Variants in DNAH5 observed in about 807,000 individuals in gnomAD.
DNAH5 encodes the protein axonemal beta dynein heavy chain 5.
Under a neutral mutation model 518.2 loss-of-function variants are expected in DNAH5, and 372 were observed. The observed-to-expected ratio is 0.72, with a 90% CI of 0.66 to 0.78. The LOEUF is 0.78. Among genes scored for constraint, DNAH5 ranks in the 30% least tolerant of loss-of-function variants. The probability of loss-of-function intolerance (pLI) is 0.00; values close to 1 mark genes in which losing one functional copy is unlikely to be tolerated. For missense variants in DNAH5, 5,523 were observed against 5,687.0 expected, an observed-to-expected ratio of 0.97 and a Z score of 0.93; for synonymous variants, 2,039 against 2,025.9, an observed-to-expected ratio of 1.01 and a Z score of -0.17.
intron 21 of DNAH5, among the ~76,000 whole-genome samples, chr5:13,880,162 T>C (rs191582498): frequency 1.3e-3 from 202 of 152,278 alleles, no homozygotes; most frequent in Middle Eastern, 3.4e-3. Flanking sequence ...TTCAAAATAC[T>C]GAAAGAAAAT....
rs1171456052 is a variant in DNAH5 at position 13,870,818 on chromosome 5, T to C, written c.3783A>G (p.Lys1261=). Residue 1261 remains lysine, a synonymous_variant, in exon 24 of 79, where the codon AAA becomes AAG. Coordinates refer to ENST00000265104, the MANE Select transcript of DNAH5 (RefSeq NM_001369.3). ...TGGAGATTTGCTCCTCCCTTATTTCTTTCAGCGCTGCCATTGCAATCCGAA... is the reference window on the plus strand; with the variant it reads ...TGGAGATTTGCTCCTCCCTTATTTCCTTCAGCGCTGCCATTGCAATCCGAA... The part of the protein sequence containing the change: ...DDIRIAMAAL[K]EIREEQISID... 15 of 1,613,754 alleles carry C rather than the reference T, an allele frequency of 9.3e-6. No homozygotes were observed. The highest frequency in any genetic ancestry group is 1.1e-5 in the Non-Finnish European group (13 of 1,179,840).
chr5:13,704,500 T>C (rs922097969), intron 76 of DNAH5, among the ~76,000 whole-genome samples: 3 of 152,250 alleles, frequency 2.0e-5, no homozygotes, highest in African/African-American at 7.2e-5. Flanking sequence ...GTAAATGTTC[T>C]CTAATCTGCA....
At chr5:13,738,745 A>G (rs1345552758) in intron 65 of DNAH5, among the ~76,000 whole-genome samples, 2 of 152,174 alleles carry the variant, frequency 1.3e-5, no homozygotes, top group Non-Finnish European at 2.9e-5. Context: ...CAAAACAGAA[A>G]TATGCTTCTG....
At chr5:13,737,879 T>G (rs6885760) in intron 65 of DNAH5, among the ~76,000 whole-genome samples, 84,979 of 151,572 alleles carry the variant, frequency 0.56, 23,944 homozygotes, top group Non-Finnish European at 0.58. Flanking sequence ...CTGGCCAACA[T>G]AGTGAAAACC....
intron 65 of DNAH5, 69 bp downstream of exon 65, chr5:13,751,009 A>G: frequency 1.3e-6 from 2 of 1,517,310 alleles, no homozygotes; most frequent in African/African-American, 2.7e-5. Context: ...AACTGTTATT[A>G]TCTTATTTTT....
intron 61 of DNAH5, among the ~76,000 whole-genome samples, chr5:13,757,039 T>C (rs1450090162): frequency 2.0e-5 from 3 of 152,346 alleles, no homozygotes; most frequent in South Asian, 4.1e-4. Flanking sequence ...CACAATCTCA[T>C]TCTTTTTTAT....
At chr5:13,810,424 G>A in intron 44 of DNAH5, 164 bp from the exon 45 acceptor site, 1 of 700,548 alleles carries the variant, frequency 1.4e-6, no homozygotes, top group Non-Finnish European at 2.5e-6. Flanking sequence ...ACTGATCTCT[G>A]AGAATAGCAA....
chr5:13,964,732 T>G lies in DNAH5; in HGVS notation c.13-33488A>C, dbSNP rs114942387. 2.5e-3 allele frequency among the ~76,000 whole-genome samples: 376 copies of G among 152,318 alleles called. 4 individuals are homozygous for G. The highest frequency in any genetic ancestry group is 8.7e-3 in the African/African-American group (361 of 41,566). On this transcript the variant is annotated intron_variant, in intron 1 of 78. Coordinates refer to the DNAH5 transcript ENST00000681290. ...CAGAACCTGGTGGCTGAGCAGAAGT[T>G]GGGGATACAAAGATCTGAGGGTGAT...
At chr5:13,692,265 T>A in intron 78 of DNAH5, 130 bp from the exon 79 acceptor site, 1 of 1,018,516 alleles carries the variant, frequency 9.8e-7, no homozygotes, top group Non-Finnish European at 1.5e-6. Flanking sequence ...TGAGGGACAT[T>A]CTTTCTGAGG....
chr5:13,920,622 T>A lies in DNAH5; in HGVS notation c.661-5A>T, dbSNP rs779368448. 7 of 1,614,038 alleles carry A rather than the reference T, an allele frequency of 4.3e-6. No individual in the cohort carries two copies. The South Asian group carries it at 6.6e-5, about 15-fold the overall frequency. On this transcript the variant is annotated splice_region_variant and splice_polypyrimidine_tract_variant and intron_variant, in intron 5 of 78. Transcript: ENST00000265104. ...GTCACACTTTCGAAGGTTCACCTAA[T>A]TAGAATGAAAATTAAATAATCAGAT...
rs1750502068 is a variant in DNAH5, at chr5:13,753,233, C to T, written c.10872G>A (p.Gln3624=). 6.2e-7 allele frequency: 1 copy of T among 1,611,878 alleles called. No individual in the cohort carries two copies. Reference sequence around the variant, plus strand: ...ATAAACATACTAAAACACAAATTACCTGGAGTTCATTTCGGCTTTCTTTAT... The same window carrying T: ...ATAAACATACTAAAACACAAATTACTTGGAGTTCATTTCGGCTTTCTTTAT... ...IKNKESRNEL[Q]ITSLNHKYFR... Residue 3624 remains glutamine (Q), a splice_region_variant and synonymous_variant, in exon 63 of 79, where the codon CAG becomes CAA. Coordinates refer to ENST00000265104, the MANE Select transcript of DNAH5 (RefSeq NM_001369.3).
rs561232106 is a variant in DNAH5, at chr5:13,944,528, A to C, written c.-90T>G. The C allele has an allele frequency of 8.9e-7, 1 of 1,127,312 alleles. No homozygotes were observed. Among genetic ancestry groups the C allele is most frequent in the South Asian group, 1.3e-5 (1 of 78,932 alleles). 69.8% of individuals were successfully genotyped at this position (1,127,312 alleles called of 1,614,324 possible). A position where few individuals can be genotyped will look rare whatever the true frequency, so the allele number is the denominator to read the frequency against. On this transcript the variant is annotated 5_prime_UTR_variant, in exon 1 of 79. It adds an upstream start codon to the 5' untranslated region. Transcript: ENST00000265104. ...CTGCTCAACATCCAACAGGCTTCCA[A>C]ATGGAAAGTTTTACTTCCATTTTAC...
At chr5:13,742,622 T>C (rs1045899322) in intron 65 of DNAH5, among the ~76,000 whole-genome samples, 4 of 152,040 alleles carry the variant, frequency 2.6e-5, no homozygotes, top group Non-Finnish European at 4.4e-5. Flanking sequence ...CATTCAATTC[T>C]TGATAAAGCA....
At chr5:13,938,980 T>C (rs1447528168) in intron 1 of DNAH5, among the ~76,000 whole-genome samples, 1 of 152,230 alleles carries the variant, frequency 6.6e-6, no homozygotes, top group Non-Finnish European at 1.5e-5. Flanking sequence ...ATGTGTTTCT[T>C]TTCTTTCTTT....
chr5:13,919,224 C>T lies in DNAH5; in HGVS notation c.927G>A (p.Val309=), dbSNP rs1776986699. 6.2e-7 allele frequency: 1 copy of T among 1,614,104 alleles called. No individual in the cohort carries two copies. The highest frequency in any genetic ancestry group is 8.5e-7 in the Non-Finnish European group (1 of 1,179,970). ...YLLEQLKSPD[V]KAVLAVLAAA... is the part of the protein sequence containing the mutation. ...CCGCAAGCACTGCCAGCACAGCCTT[C>T]ACATCCGGGCTTTTCAATTGTTCCA... The change falls in exon 7 of 79, where the codon GTG becomes GTA. Residue 309 remains valine, a synonymous_variant. Coordinates refer to ENST00000265104, the MANE Select transcript of DNAH5 (RefSeq NM_001369.3).
intron 1 of DNAH5, among the ~76,000 whole-genome samples, chr5:14,010,186 G>A (rs1473278128): frequency 6.6e-6 from 1 of 152,044 alleles, no homozygotes; most frequent in East Asian, 1.9e-4. Flanking sequence ...AGTAACACTT[G>A]GAGGGAGGGG....
intron 1 of DNAH5, among the ~76,000 whole-genome samples, chr5:13,989,804 T>A (rs114495554): frequency 0.012 from 1,873 of 152,098 alleles, 42 homozygotes; most frequent in African/African-American, 0.042. Context: ...TTAATAGTGA[T>A]TAATATTTCT....
intron 60 of DNAH5, among the ~76,000 whole-genome samples, chr5:13,761,206 G>C (rs748031020): frequency 5.9e-5 from 9 of 152,150 alleles, no homozygotes; most frequent in Non-Finnish European, 1.3e-4. Flanking sequence ...GCCTTGTTCA[G>C]AATGTCCATG....
chr5:13,930,178 T>C (rs900527023), intron 2 of DNAH5, among the ~76,000 whole-genome samples: 7 of 152,032 alleles, frequency 4.6e-5, no homozygotes, highest in African/African-American at 1.7e-4. Flanking sequence ...CCCACCAGAG[T>C]AGCCCAGCAG....
Sources: gnomAD v4.1 joint callset for allele counts (sites outside exome capture counted in the v4.1 genomes callset) on GRCh38, gnomAD v4.1.1 for gene constraint, MANE v1.5 for transcripts, NCBI Gene and HGNC (gene_info 2026-07-23, HGNC 2026-07-21) for gene names.